The following FER variants were observed in gnomAD, a reference collection of about 807,000 sequenced individuals.
The protein encoded by FER is tyrosine-protein kinase Fer.
A neutral mutation model predicts 111.0 loss-of-function variants in FER; 63 were observed. The observed-to-expected ratio is 0.57, with a 90% CI of 0.46 to 0.70. The LOEUF (loss-of-function observed/expected upper bound fraction) is 0.70. FER is among the 30% of genes least tolerant of loss of function. The pLI is 0.00. For missense variants in FER, 914 were observed against 954.0 expected (o/e 0.96, Z 0.55); for synonymous variants, 327 against 313.9 (o/e 1.04, Z -0.44).
At chr5:108,831,950 C>G (rs145181922) in intron 3 of FER, among the ~76,000 whole-genome samples, 2,086 of 151,674 alleles carry the variant, frequency 0.014, 43 homozygotes, top group African/African-American at 0.048. Flanking sequence ...AATACTATAG[C>G]GAAGAGGATT....
At chr5:108,764,132 C>T (rs559325328) in intron 1 of FER, among the ~76,000 whole-genome samples, 202 of 152,108 alleles carry the variant, frequency 1.3e-3, no homozygotes, top group African/African-American at 4.3e-3. Context: ...CCACCCAAAC[C>T]GTGTGGATTG....
intron 10 of FER, among the ~76,000 whole-genome samples, chr5:108,898,365 T>G (rs1395580129): frequency 5.3e-5 from 8 of 152,240 alleles, no homozygotes; most frequent in Non-Finnish European, 1.0e-4. Context: ...TTTCATAGTT[T>G]TATTAACTGT....
At chr5:108,992,656 C>T (rs553875664) in intron 13 of FER, among the ~76,000 whole-genome samples, 14 of 143,810 alleles carry the variant, frequency 9.7e-5, no homozygotes, top group Admixed American at 3.9e-4. Flanking sequence ...CCCTCCCGGA[C>T]GGGGCGGCTG....
At chr5:108,760,512 C>T (rs1052754005) in intron 1 of FER, among the ~76,000 whole-genome samples, 3 of 152,184 alleles carry the variant, frequency 2.0e-5, no homozygotes, top group African/African-American at 7.2e-5. Context: ...TTAGTGTAGC[C>T]AAATTCATCA....
At chr5:108,926,232 TC>T (rs1753724233) in intron 10 of FER, among the ~76,000 whole-genome samples, 1 of 151,734 alleles carries the variant, frequency 6.6e-6, no homozygotes, top group Non-Finnish European at 1.5e-5. Flanking sequence ...TTAATATTTT[TC>T]TATGTATTTT....
At chr5:109,112,913 A>C (rs534173226) in intron 17 of FER, among the ~76,000 whole-genome samples, 3 of 152,244 alleles carry the variant, frequency 2.0e-5, no homozygotes, top group East Asian at 3.9e-4. Context: ...CTGATCTGAT[A>C]TATCAAATAT....
At chr5:108,828,062 G>C (rs557011852) in intron 3 of FER, among the ~76,000 whole-genome samples, 1 of 151,692 alleles carries the variant, frequency 6.6e-6, no homozygotes, top group African/African-American at 2.4e-5. Context: ...TAGAGACACT[G>C]TCTTGCTACA....
intron 5 of FER, among the ~76,000 whole-genome samples, chr5:108,854,210 A>G (rs1762786504): frequency 1.3e-5 from 2 of 152,184 alleles, no homozygotes; most frequent in African/African-American, 2.4e-5. Context: ...ATTTAAAGAC[A>G]CCTAATTTAA....
intron 8 of FER, among the ~76,000 whole-genome samples, chr5:108,878,087 A>G (rs565614217): frequency 2.0e-5 from 3 of 151,892 alleles, no homozygotes; most frequent in Non-Finnish European, 2.9e-5. Context: ...TTGTATTTTT[A>G]TTAGAGATGG....
At chr5:108,908,478 A>G (rs1372580782) in intron 10 of FER, among the ~76,000 whole-genome samples, 1 of 152,198 alleles carries the variant, frequency 6.6e-6, no homozygotes, top group Non-Finnish European at 1.5e-5. Flanking sequence ...AAACCATCAC[A>G]TAACATGTTC....
intron 2 of FER, among the ~76,000 whole-genome samples, chr5:108,776,130 G>C (rs996723025): frequency 7.9e-5 from 12 of 151,970 alleles, no homozygotes; most frequent in Admixed American, 7.9e-4. Flanking sequence ...AATTTTGATA[G>C]GTTTTTATTA....
chr5:108,916,205 T>C (rs977992806), intron 10 of FER, among the ~76,000 whole-genome samples: 1 of 152,184 alleles, frequency 6.6e-6, no homozygotes, highest in African/African-American at 2.4e-5. Context: ...TCTTCCTTTA[T>C]AGTTTAATAA....
chr5:109,085,313 G>A (rs1777440527), intron 16 of FER, among the ~76,000 whole-genome samples: 1 of 151,532 alleles, frequency 6.6e-6, no homozygotes, highest in Non-Finnish European at 1.5e-5. Flanking sequence ...AAAGTATTTT[G>A]TTATTTGTGG....
intron 16 of FER, among the ~76,000 whole-genome samples, chr5:109,081,230 GTT>G (rs1776952987): frequency 6.6e-6 from 1 of 152,064 alleles, no homozygotes. Flanking sequence ...ACTCAACAAA[GTT>G]AATCTTAAAC....
At chr5:108,964,227 A>C (rs1437006454) in intron 13 of FER, among the ~76,000 whole-genome samples, 1 of 152,134 alleles carries the variant, frequency 6.6e-6, no homozygotes, top group African/African-American at 2.4e-5. Flanking sequence ...GAGATAATGA[A>C]GTTCTAGACT....
At chr5:109,084,485 G>T (rs1232981070) in intron 16 of FER, among the ~76,000 whole-genome samples, 1 of 147,624 alleles carries the variant, frequency 6.8e-6, no homozygotes, top group Non-Finnish European at 1.5e-5. Flanking sequence ...GTTATGTGGG[G>T]TTATTTTACC....
chr5:109,078,223 A>C (rs1776596476), intron 16 of FER, among the ~76,000 whole-genome samples: 1 of 152,188 alleles, frequency 6.6e-6, no homozygotes, highest in Non-Finnish European at 1.5e-5. Context: ...TATATACAGC[A>C]GTTAAAGGCT....
chr5:108,811,910 TTGTCATCGAA>T (rs1470837811), intron 3 of FER, among the ~76,000 whole-genome samples: 3 of 151,966 alleles, frequency 2.0e-5, no homozygotes, highest in Non-Finnish European at 4.4e-5. Flanking sequence ...TCGATAATGC[TTGTCATCGAA>T]TCTTCTGGTG....
intron 17 of FER, among the ~76,000 whole-genome samples, chr5:109,102,089 C>A (rs1364248408): frequency 6.6e-6 from 1 of 152,066 alleles, no homozygotes; most frequent in Non-Finnish European, 1.5e-5. Context: ...AAAAATGGGT[C>A]ACTGTATAAA....
Sources: gnomAD v4.1 joint callset for allele counts (sites outside exome capture counted in the v4.1 genomes callset) on GRCh38, gnomAD v4.1.1 for gene constraint, MANE v1.5 for transcripts, NCBI Gene and HGNC (gene_info 2026-07-23, HGNC 2026-07-21) for gene names.